NECTIN1: variants seen among roughly 807,000 people sequenced by gnomAD.
NECTIN1 encodes the protein nectin-1.
In NECTIN1, 23 loss-of-function variants were observed where a neutral mutation model predicts 48.0. The ratio of observed to expected loss-of-function variants is 0.48; its 90% CI spans 0.34 to 0.68. NECTIN1 has a LOEUF of 0.68. Ranked by LOEUF, NECTIN1 falls within the 30% of genes least tolerant of loss-of-function variation. The pLI is 0.01. For synonymous variants in NECTIN1, 270 were observed against 288.9 expected, an observed-to-expected ratio of 0.93 and a Z score of 0.66; for missense variants, 591 against 709.9, an observed-to-expected ratio of 0.83 and a Z score of 1.90.
rs1865932076 is a variant in NECTIN1, at chr11:119,727,626, G to A, written c.79+849C>T. 6.6e-6 allele frequency among the ~76,000 whole-genome samples: 1 copy of A among 152,178 alleles called. No homozygotes were observed. The highest frequency in any genetic ancestry group is 1.5e-5 in the Non-Finnish European group (1 of 68,020). ...GCACAATATGCCTGGGCTGGTCCCA[G>A]CCTCCGTCCCCACCCCACCCGTCAG... On this transcript the variant is annotated intron_variant, in intron 1 of 5. Transcript: ENST00000264025. The surrounding 1 kb of genome is among the most constrained non-coding windows in gnomAD (Gnocchi z 4.1).
At chr11:119,654,786 G>C (rs1441049570) in intron 5 of NECTIN1, among the ~76,000 whole-genome samples, 1 of 152,060 alleles carries the variant, frequency 6.6e-6, no homozygotes, top group Non-Finnish European at 1.5e-5. Flanking sequence ...GGCCAGGCTG[G>C]TCTCAAACTC....
intron 5 of NECTIN1, among the ~76,000 whole-genome samples, chr11:119,647,158 CGCAT>C (rs1864405646): frequency 3.3e-5 from 3 of 91,694 alleles, no homozygotes; most frequent in African/African-American, 1.3e-4. Context: ...GAGCTTGCGG[CGCAT>C]GTGTGTGTGT....
chr11:119,653,810 C>T (rs903391046), intron 5 of NECTIN1, among the ~76,000 whole-genome samples: 2 of 152,202 alleles, frequency 1.3e-5, no homozygotes, highest in East Asian at 1.9e-4. Flanking sequence ...ATCCTTACAG[C>T]CGTCGGTGGC....
At chr11:119,687,817 T>C (rs1865184569) in intron 1 of NECTIN1, among the ~76,000 whole-genome samples, 1 of 152,174 alleles carries the variant, frequency 6.6e-6, no homozygotes, top group African/African-American at 2.4e-5. Flanking sequence ...AGGAGGGGCC[T>C]GTGGGGCCAC....
At position 119,714,689 on chromosome 11, in the gene NECTIN1, C is replaced by T. The variant is rs1251962986; in HGVS notation, c.79+13786G>A. Among the ~76,000 whole-genome samples the T allele has an allele frequency of 4.6e-5, 7 of 152,048 alleles. No individual in the cohort carries two copies. In the East Asian group the frequency reaches 1.3e-3, roughly 29 times the overall value. ...CCATCGCCAACTTAATTCCTTAATT[C>T]CTACTGGAGATAAGCGGATCTTTCA... On this transcript the variant is annotated intron_variant, in intron 1 of 5. Transcript: ENST00000264025.
chr11:119,724,968 A>C (rs1865887786), intron 1 of NECTIN1, among the ~76,000 whole-genome samples: 1 of 152,188 alleles, frequency 6.6e-6, no homozygotes, highest in African/African-American at 2.4e-5. Context: ...GAATATGCTG[A>C]CACCTCTCTG....
chr11:119,696,626 G>A (rs2135566985), intron 1 of NECTIN1, among the ~76,000 whole-genome samples: 1 of 152,282 alleles, frequency 6.6e-6, no homozygotes, highest in South Asian at 2.1e-4. Flanking sequence ...GGGTGTTGGG[G>A]GCAAGAGAAA....
rs117569646 is a variant in NECTIN1, at chr11:119,708,698, C to T, written c.79+19777G>A. 1.1e-3 allele frequency among the ~76,000 whole-genome samples: 162 copies of T among 152,206 alleles called. 3 individuals are homozygous for T. In the East Asian group the frequency reaches 0.025, roughly 24 times the overall value. Reference sequence around the variant, plus strand: ...AATGCTGTGGATTAGGCAGTGGTGACGGCCTATTGTGAATATACTAAAGCC... The same window carrying T: ...AATGCTGTGGATTAGGCAGTGGTGATGGCCTATTGTGAATATACTAAAGCC... On this transcript the variant is annotated intron_variant, in intron 1 of 5. Coordinates refer to ENST00000264025, the MANE Select transcript of NECTIN1 (RefSeq NM_002855.5).
In NECTIN1 at chr11:119,649,334, T is replaced by A. The variant is rs7942743; in HGVS notation, c.1004-9322A>T. ...AGGCAGAGGTTGCAGTGAGCCAAGATTGTGCCACTGCACTCCAGCCTGACA... is the reference window on the plus strand; with the variant it reads ...AGGCAGAGGTTGCAGTGAGCCAAGAATGTGCCACTGCACTCCAGCCTGACA... On this transcript the variant is annotated intron_variant, in intron 5 of 7. Coordinates refer to the NECTIN1 transcript ENST00000341398. Among the ~76,000 whole-genome samples the A allele has an allele frequency of 4.3e-3, 644 of 151,360 alleles. 4 individuals carry two copies. The highest frequency in any genetic ancestry group is 0.014 in the African/African-American group (575 of 41,226).
intron 4 of NECTIN1, among the ~76,000 whole-genome samples, chr11:119,676,415 G>A (rs1296880186): frequency 6.6e-6 from 1 of 152,214 alleles, no homozygotes; most frequent in East Asian, 1.9e-4. Flanking sequence ...AGAAAAAGAA[G>A]GCAGACTCCT....
rs1339062432 is a variant in NECTIN1, at chr11:119,663,267, A to G, written c.*1480T>C. 4 of 985,406 alleles carry G rather than the reference A, an allele frequency of 4.1e-6. No homozygotes were observed. The highest frequency in any genetic ancestry group is 4.8e-6 in the Non-Finnish European group (4 of 830,032). The allele number at this position is 985,406 out of a possible 1,614,324, so 61.0% of individuals were successfully genotyped here. ...AGAGTGCCAGGGGATCTGGGAGCAG[A>G]TGGAGGAACTGAGGCACTTTGAGCT... On this transcript the variant is annotated 3_prime_UTR_variant, in exon 6 of 6. Transcript: ENST00000264025.
At chr11:119,688,276 GT>G (rs948118605) in intron 1 of NECTIN1, among the ~76,000 whole-genome samples, 3 of 152,170 alleles carry the variant, frequency 2.0e-5, no homozygotes, top group African/African-American at 7.2e-5. Context: ...TATACAAGCA[GT>G]TGTATTATTT....
chr11:119,666,453 GCCCC>G (rs1864772567), intron 5 of NECTIN1, among the ~76,000 whole-genome samples: 1 of 152,232 alleles, frequency 6.6e-6, no homozygotes, highest in African/African-American at 2.4e-5. Flanking sequence ...GGCCAACACT[GCCCC>G]TTCCCTTGCC....
intron 1 of NECTIN1, among the ~76,000 whole-genome samples, chr11:119,720,347 C>T (rs1228112254): frequency 1.3e-5 from 2 of 152,254 alleles, no homozygotes; most frequent in African/African-American, 4.8e-5. Flanking sequence ...TACCCCAGAC[C>T]AGCTGCTGGC....
intron 1 of NECTIN1, among the ~76,000 whole-genome samples, chr11:119,701,596 C>G (rs1033883429): frequency 4.6e-5 from 7 of 152,070 alleles, no homozygotes; most frequent in Admixed American, 3.3e-4. Context: ...GCTGGGATTC[C>G]AAAGCCCAAA....
intron 5 of NECTIN1, among the ~76,000 whole-genome samples, chr11:119,669,962 CTT>C (rs535335352): frequency 3.5e-5 from 5 of 144,362 alleles, no homozygotes; most frequent in East Asian, 2.0e-4. Flanking sequence ...AAAATTACTA[CTT>C]TTTTTTTTTT....
intron 1 of NECTIN1, among the ~76,000 whole-genome samples, chr11:119,699,393 C>G (rs751271133): frequency 2.6e-4 from 40 of 152,150 alleles, no homozygotes; most frequent in Non-Finnish European, 4.4e-4. Context: ...CAGACGCCAA[C>G]TAGCCCAGCT....
chr11:119,671,607 C>T (rs758457190), intron 5 of NECTIN1, among the ~76,000 whole-genome samples: 63 of 152,252 alleles, frequency 4.1e-4, no homozygotes, highest in Non-Finnish European at 7.4e-4. Context: ...CAATGCCTGG[C>T]GCTTCCTCAG....
Position 119,665,256 on chromosome 11 carries a change from C to A in NECTIN1, c.1045G>T (p.Ala349Ser). Residue 349 changes from alanine to serine, a missense_variant, in exon 6 of 6, where the codon GCC becomes TCC. Physicochemically the swap from Ala to Ser is moderately conservative, Grantham distance 99. Coordinates refer to ENST00000264025, the MANE Select transcript of NECTIN1 (RefSeq NM_002855.5). This position sits in a 1 kb window ranked among gnomAD's most constrained non-coding sequence, Gnocchi z 5.1. Reference protein sequence around the residue: ...TPSPPEHGRRAGPVPTAIIGG... With the variant: ...TPSPPEHGRRSGPVPTAIIGG... ...ATGATGGCCGTGGGCACCGGCCCGG[C>A]GCGCCGCCCATGTTCGGGAGGAGAC... 1 of 1,597,610 alleles carries A rather than the reference C, an allele frequency of 6.3e-7. No individual in the cohort carries two copies.
Sources: allele counts gnomAD v4.1 joint callset (sites outside exome capture counted in the v4.1 genomes callset), GRCh38; gene constraint gnomAD v4.1.1; non-coding constraint Gnocchi (gnomAD v3.1); transcripts MANE v1.5; gene names NCBI Gene and HGNC (gene_info 2026-07-23, HGNC 2026-07-21).